Variants in IL1RAPL2 observed in about 807,000 individuals in gnomAD.
IL1RAPL2 encodes the protein X-linked interleukin-1 receptor accessory protein-like 2.
A neutral mutation model predicts 44.1 loss-of-function variants in IL1RAPL2; 3 were observed. The observed-to-expected ratio is 0.07, with a 90% CI of 0.03 to 0.18. The LOEUF is 0.18. Among genes scored for constraint, IL1RAPL2 ranks in the 10% least tolerant of loss-of-function variants. The pLI is 1.00. For missense variants in IL1RAPL2, 391 were observed against 496.4 expected, an observed-to-expected ratio of 0.79 and a Z score of 2.02; for synonymous variants, 181 against 178.8, an observed-to-expected ratio of 1.01 and a Z score of -0.10.
chrX:105,522,434 C>A (rs1193247504), intron 6 of IL1RAPL2, among the ~76,000 whole-genome samples: 1 of 112,357 alleles, frequency 8.9e-6, no homozygotes, highest in Non-Finnish European at 1.9e-5. Flanking sequence ...AGTAAAATGA[C>A]ATGCTTGTGC....
At chrX:105,436,551 G>C (rs1352657157) in intron 5 of IL1RAPL2, among the ~76,000 whole-genome samples, 1 of 110,945 alleles carries the variant, frequency 9.0e-6, no homozygotes, top group Non-Finnish European at 1.9e-5. Flanking sequence ...CAGTTTTCAG[G>C]ATATGATTTA....
chrX:105,278,764 A>G (rs1368743535), intron 5 of IL1RAPL2, among the ~76,000 whole-genome samples: 1 of 112,087 alleles, frequency 8.9e-6, no homozygotes, highest in Admixed American at 9.5e-5. Flanking sequence ...ATAGTAAGTG[A>G]TGGAGCTAGG....
chrX:105,612,993 G>A (rs2037347839), intron 6 of IL1RAPL2, among the ~76,000 whole-genome samples: 1 of 111,676 alleles, frequency 9.0e-6, no homozygotes, highest in Non-Finnish European at 1.9e-5. Context: ...GGCCAGGAGA[G>A]CTATTGAGAT....
At chrX:104,863,804 T>G (rs746703119) in intron 2 of IL1RAPL2, among the ~76,000 whole-genome samples, 7 of 112,250 alleles carry the variant, frequency 6.2e-5, no homozygotes, top group Admixed American at 9.5e-5. Flanking sequence ...TACTATTTCA[T>G]GAGCTCCTTT....
Position 105,160,270 on chromosome X carries a change from C to A in IL1RAPL2, c.83-35205C>A, listed in dbSNP as rs1335727227. ...TTTCTCGTGGATGATTCTGAGCTTGCCCATGCTTTAAGGACTCATTGATCC... is the reference window on the plus strand; with the variant it reads ...TTTCTCGTGGATGATTCTGAGCTTGACCATGCTTTAAGGACTCATTGATCC... On this transcript the variant is annotated intron_variant, in intron 2 of 10. Coordinates refer to ENST00000372582, the MANE Select transcript of IL1RAPL2 (RefSeq NM_017416.2). Among the ~76,000 whole-genome samples the A allele has an allele frequency of 2.7e-5, 3 of 110,880 alleles. No individual in the cohort carries two copies. The East Asian group carries it at 8.5e-4, about 32-fold the overall frequency.
At chrX:105,385,684 A>C (rs868083587) in intron 5 of IL1RAPL2, among the ~76,000 whole-genome samples, 1 of 111,143 alleles carries the variant, frequency 9.0e-6, no homozygotes, top group African/African-American at 3.3e-5. Flanking sequence ...CAGTGACATT[A>C]AAAAAAATCT....
At chrX:105,745,631 A>T (rs1201363362) in intron 8 of IL1RAPL2, among the ~76,000 whole-genome samples, 1 of 111,401 alleles carries the variant, frequency 9.0e-6, no homozygotes, top group Admixed American at 9.6e-5. Flanking sequence ...CATTTATGAA[A>T]GTTCTACCCT....
chrX:105,336,949 T>C (rs1391185736), intron 5 of IL1RAPL2, among the ~76,000 whole-genome samples: 2 of 111,971 alleles, frequency 1.8e-5, no homozygotes, highest in Non-Finnish European at 3.8e-5. Context: ...CATAGCCTAC[T>C]AATTCTGCCT....
intron 5 of IL1RAPL2, among the ~76,000 whole-genome samples, chrX:105,287,124 C>T (rs1055261770): frequency 9.0e-6 from 1 of 111,442 alleles, no homozygotes; most frequent in Non-Finnish European, 1.9e-5. Context: ...ATTGCTATGG[C>T]GGAAAGAAAT....
chrX:104,640,069 A>G (rs6652900), intron 1 of IL1RAPL2, among the ~76,000 whole-genome samples: 17,156 of 111,078 alleles, frequency 0.15, 3,296 homozygotes, highest in African/African-American at 0.54. Context: ...TTTGTTACAT[A>G]GGTTTTCTAT....
intron 5 of IL1RAPL2, among the ~76,000 whole-genome samples, chrX:105,409,868 A>G (rs1362493350): frequency 1.1e-4 from 3 of 27,311 alleles, no homozygotes; most frequent in Admixed American, 5.9e-4. Flanking sequence ...AGACAGACAG[A>G]TAGATAGAGT....
intron 6 of IL1RAPL2, 80 bp downstream of exon 6, chrX:105,484,467 G>T (rs919713905): frequency 3.1e-6 from 2 of 645,847 alleles, no homozygotes; most frequent in South Asian, 2.3e-5. Context: ...ACCAGGAAAG[G>T]TTTATTGCCA....
intron 5 of IL1RAPL2, among the ~76,000 whole-genome samples, chrX:105,342,380 G>A (rs1009730657): frequency 1.8e-5 from 2 of 112,217 alleles, no homozygotes; most frequent in African/African-American, 6.5e-5. Flanking sequence ...TAATTTCATA[G>A]AAAGGTCTAT....
intron 2 of IL1RAPL2, among the ~76,000 whole-genome samples, chrX:104,908,374 A>C (rs1437877401): frequency 2.7e-5 from 3 of 111,362 alleles, no homozygotes; most frequent in Non-Finnish European, 5.7e-5. Flanking sequence ...TTTGCTCGTT[A>C]GTTGATGCAG....
intron 2 of IL1RAPL2, among the ~76,000 whole-genome samples, chrX:104,777,691 C>G (rs1436190445): frequency 9.2e-6 from 1 of 109,167 alleles, no homozygotes; most frequent in African/African-American, 3.3e-5. Flanking sequence ...ATTCTTGTGC[C>G]TCAGCCTCCT....
intron 5 of IL1RAPL2, among the ~76,000 whole-genome samples, chrX:105,278,871 C>T (rs1158018711): frequency 9.0e-6 from 1 of 111,273 alleles, no homozygotes; most frequent in African/African-American, 3.3e-5. Flanking sequence ...TAGTTCTATT[C>T]CTTCCTGCTT....
intron 5 of IL1RAPL2, among the ~76,000 whole-genome samples, chrX:105,326,901 A>G (rs1405132860): frequency 9.0e-6 from 1 of 111,414 alleles, no homozygotes; most frequent in African/African-American, 3.3e-5. Context: ...ATTTTTGCCA[A>G]AAAAAGCCTA....
At chrX:104,940,301 CAT>C (rs919005339) in intron 2 of IL1RAPL2, among the ~76,000 whole-genome samples, 2 of 111,320 alleles carry the variant, frequency 1.8e-5, no homozygotes, top group African/African-American at 6.5e-5. Context: ...ATTGGTACAT[CAT>C]ATAATAATAT....
chrX:105,587,036 G>C (rs2037134196), intron 6 of IL1RAPL2, among the ~76,000 whole-genome samples: 2 of 111,341 alleles, frequency 1.8e-5, no homozygotes, highest in South Asian at 7.5e-4. Context: ...TATTTTCCCA[G>C]AGATCATTAC....
Sources: allele counts gnomAD v4.1 joint callset (sites outside exome capture counted in the v4.1 genomes callset), GRCh38; gene constraint gnomAD v4.1.1; transcripts MANE v1.5; gene names NCBI Gene and HGNC (gene_info 2026-07-23, HGNC 2026-07-21).